DGKH: variants seen among roughly 807,000 people sequenced by gnomAD.
The protein encoded by DGKH is DAG kinase eta.
A neutral mutation model predicts 159.3 loss-of-function variants in DGKH; 90 were observed. That is an observed-to-expected ratio of 0.57 (90% CI 0.48 to 0.67). The LOEUF (loss-of-function observed/expected upper bound fraction) is 0.67, where lower values mean the gene tolerates loss of function less well. Ranked by LOEUF, DGKH falls within the 30% of genes least tolerant of loss-of-function variation. The pLI is 0.00. For missense variants in DGKH, 1,181 were observed against 1,506.1 expected (o/e 0.78, Z 3.57); for synonymous variants, 536 against 553.8 (o/e 0.97, Z 0.45).
At chr13:42,155,933 A>G in intron 5 of DGKH, 134 bp downstream of exon 5, 1 of 1,041,282 alleles carries the variant, frequency 9.6e-7, no homozygotes, top group Admixed American at 3.0e-5. Context: ...TGCTCAGGAA[A>G]AAAAAACATA....
At chr13:42,123,082 A>G (rs1295967532) in intron 1 of DGKH, among the ~76,000 whole-genome samples, 1 of 152,228 alleles carries the variant, frequency 6.6e-6, no homozygotes, top group Non-Finnish European at 1.5e-5. Context: ...CAAAAAGCCA[A>G]CGTAGAGGAC....
intron 25 of DGKH, 53 bp from the exon 26 acceptor site, chr13:42,215,522 A>G (rs1040192291): frequency 3.0e-6 from 4 of 1,333,752 alleles, no homozygotes; most frequent in Admixed American, 2.0e-5. Flanking sequence ...GTTTATGGTA[A>G]TGAAATCCTA....
intron 3 of DGKH, among the ~76,000 whole-genome samples, chr13:42,137,601 T>A (rs1478109353): frequency 3.3e-5 from 5 of 152,342 alleles, no homozygotes; most frequent in South Asian, 4.1e-4. Context: ...CTCTAACTGG[T>A]TATTACATGT....
At chr13:42,211,625 G>A (rs1053593948) in intron 24 of DGKH, among the ~76,000 whole-genome samples, 3 of 152,162 alleles carry the variant, frequency 2.0e-5, no homozygotes, top group African/African-American at 7.2e-5. Flanking sequence ...TTGAACCTGA[G>A]TGGTGGAAGT....
At chr13:42,162,057 G>A (rs1012665966) in intron 7 of DGKH, among the ~76,000 whole-genome samples, 12 of 151,656 alleles carry the variant, frequency 7.9e-5, no homozygotes, top group Admixed American at 1.3e-4. Flanking sequence ...CTCGTTTTTC[G>A]TGGCAAACTC....
At chr13:42,041,784 A>G (rs899158674) in intron 1 of DGKH, among the ~76,000 whole-genome samples, 1 of 151,482 alleles carries the variant, frequency 6.6e-6, no homozygotes, top group African/African-American at 2.4e-5. Flanking sequence ...GATATTTGCT[A>G]CTCCTTCTTG....
At chr13:42,166,426 A>G (rs1956316479) in intron 8 of DGKH, 89 bp from the exon 9 acceptor site, 15 of 1,216,068 alleles carry the variant, frequency 1.2e-5, no homozygotes, top group Non-Finnish European at 1.5e-5. Flanking sequence ...TCCAGTTTTT[A>G]TGAATTTATT....
chr13:42,173,964 CGTGTGT>C, intron 11 of DGKH, 90 bp from the exon 12 acceptor site: 5 of 604,206 alleles, frequency 8.3e-6, no homozygotes, highest in South Asian at 2.2e-5. Context: ...TGTGTGCGTG[CGTGTGT>C]GTGTGTGTGT....
At chr13:42,112,468 T>C (rs887356574) in intron 1 of DGKH, among the ~76,000 whole-genome samples, 1 of 152,064 alleles carries the variant, frequency 6.6e-6, no homozygotes, top group Non-Finnish European at 1.5e-5. Flanking sequence ...TGGAACTCTG[T>C]TTCACAGAGC....
chr13:42,226,553 C>T (rs923838453), intron 29 of DGKH, among the ~76,000 whole-genome samples: 2 of 152,064 alleles, frequency 1.3e-5, no homozygotes, highest in African/African-American at 4.8e-5. Flanking sequence ...ACCCAATTGC[C>T]CATCAGTTGT....
intron 29 of DGKH, among the ~76,000 whole-genome samples, chr13:42,252,098 C>T (rs747503652): frequency 4.6e-5 from 7 of 151,382 alleles, no homozygotes; most frequent in Non-Finnish European, 8.8e-5. Context: ...GCCAAGGTTA[C>T]AGTAGGTCAT....
rs1158441132 is a variant in DGKH at position 42,234,922 on chromosome 13, A to G, written c.*5734A>G. 2 of 152,140 alleles carry G rather than the reference A, an allele frequency of 1.3e-5. No individual in the cohort carries two copies. The highest frequency in any genetic ancestry group is 4.8e-5 in the African/African-American group (2 of 41,434). 9.4% of individuals were successfully genotyped at this position (152,140 alleles called of 1,614,324 possible). ...TAACTGCAACTTTTAAAACGTGATG[A>G]TTATTGGTTTTTATAATACACAAAG... On this transcript the variant is annotated 3_prime_UTR_variant, in exon 30 of 30. Coordinates refer to ENST00000337343, the MANE Select transcript of DGKH (RefSeq NM_178009.5).
chr13:42,179,698 TGAGCCTGG>T (rs1956698348), intron 13 of DGKH, among the ~76,000 whole-genome samples: 8 of 151,252 alleles, frequency 5.3e-5, no homozygotes, highest in Admixed American at 5.3e-4. Flanking sequence ...GAGGATCACT[TGAGCCTGG>T]GAGGTGGAGG....
At chr13:42,054,863 T>C (rs1881636399) in intron 1 of DGKH, among the ~76,000 whole-genome samples, 1 of 152,208 alleles carries the variant, frequency 6.6e-6, no homozygotes, top group Non-Finnish European at 1.5e-5. Flanking sequence ...GTACAATTTT[T>C]ATTTGTCAAT....
chr13:42,223,246 A>G (rs963662710), intron 29 of DGKH, among the ~76,000 whole-genome samples: 4 of 152,192 alleles, frequency 2.6e-5, no homozygotes, highest in Non-Finnish European at 4.4e-5. Context: ...CGATGCCTCT[A>G]AATGCTGGTG....
At chr13:42,082,900 T>C (rs1266230631) in intron 1 of DGKH, among the ~76,000 whole-genome samples, 1 of 152,334 alleles carries the variant, frequency 6.6e-6, no homozygotes, top group Admixed American at 6.5e-5. Context: ...ACAGGGCCTG[T>C]TGAAGTTCTT....
chr13:42,096,240 C>G (rs989741848), intron 1 of DGKH, among the ~76,000 whole-genome samples: 1 of 151,764 alleles, frequency 6.6e-6, no homozygotes, highest in Non-Finnish European at 1.5e-5. Flanking sequence ...TTAACCCCTC[C>G]CCACCTGCCC....
chr13:42,048,639 G>A, upstream of DGKH: 1 of 1,120,970 alleles, frequency 8.9e-7, no homozygotes, highest in Non-Finnish European at 1.1e-6. This position sits in a 1 kb window ranked among gnomAD's most constrained non-coding sequence, Gnocchi z 6.7. Flanking sequence ...TACCTCGCGG[G>A]GGTAGCTAGG....
chr13:42,091,888 T>C (rs1323930231), intron 1 of DGKH, among the ~76,000 whole-genome samples: 1 of 152,176 alleles, frequency 6.6e-6, no homozygotes, highest in African/African-American at 2.4e-5. Context: ...ATTTTACACC[T>C]GTTAGAATGG....
Sources: allele counts gnomAD v4.1 joint callset (sites outside exome capture counted in the v4.1 genomes callset), GRCh38; gene constraint gnomAD v4.1.1; non-coding constraint Gnocchi (gnomAD v3.1); transcripts MANE v1.5; gene names NCBI Gene and HGNC (gene_info 2026-07-23, HGNC 2026-07-21).